PIEZO2: variants seen among roughly 807,000 people sequenced by gnomAD.
The protein encoded by PIEZO2 is piezo-type mechanosensitive ion channel component 2.
Under a neutral mutation model 337.3 loss-of-function variants are expected in PIEZO2, and 172 were observed. That is an observed-to-expected ratio of 0.51 (90% confidence interval 0.45 to 0.58). The LOEUF (loss-of-function observed/expected upper bound fraction) is 0.58. PIEZO2 is among the 20% of genes least tolerant of loss of function. The pLI is 0.00. For synonymous variants in PIEZO2, 1,251 were observed against 1,228.5 expected (o/e 1.02, Z -0.38); for missense variants, 3,028 against 3,391.3 (o/e 0.89, Z 2.66).
rs973288101 is a variant in PIEZO2 at position 10,784,699 on chromosome 18, C to T, written c.2492+85G>A. On this transcript the variant is annotated intron_variant, in intron 17 of 55. Transcript: ENST00000674853. The surrounding 1 kb of genome is among the most constrained non-coding windows in gnomAD (Gnocchi z 4.5). ...AAGGCTGAAACTTTTAGATTACTGG[C>T]TTCTCGCAAGGTGGCCAACCTAAGG... 33 of 1,273,164 alleles carry T rather than the reference C, an allele frequency of 2.6e-5. No homozygotes were observed. The highest frequency in any genetic ancestry group is 3.1e-5 in the Non-Finnish European group (30 of 966,234). The allele number at this position is 1,273,164 out of a possible 1,614,324, so 78.9% of individuals were successfully genotyped here. A position where few individuals can be genotyped will look rare whatever the true frequency, so the allele number is the denominator to read the frequency against.
At chr18:10,989,182 T>A (rs1304858566) in intron 2 of PIEZO2, among the ~76,000 whole-genome samples, 1 of 152,074 alleles carries the variant, frequency 6.6e-6, no homozygotes, top group Non-Finnish European at 1.5e-5. Context: ...GGCAATGATT[T>A]CATGGGTGTC....
At chr18:10,811,364 G>A (rs1236347929) in intron 7 of PIEZO2, among the ~76,000 whole-genome samples, 2 of 152,148 alleles carry the variant, frequency 1.3e-5, no homozygotes, top group African/African-American at 4.8e-5. Flanking sequence ...TTCCAAAAAG[G>A]GTGTATGTCT....
chr18:10,704,406 G>T lies in PIEZO2; in HGVS notation c.6246C>A (p.Ile2082=). Residue 2082 remains isoleucine, a synonymous_variant, in exon 42 of 56, where the codon ATC becomes ATA. Coordinates refer to ENST00000674853, the MANE Select transcript of PIEZO2 (RefSeq NM_001378183.1). The stretch of plus-strand genomic sequence containing the variant: ...CGTCCAGGCCTACCTCAGTATAGAC[G>T]ATGGCCATCATCCAGAACCGGCGGC... ...RPSRRFWMMA[I]VYTEVAIVVK... 2.0e-6 allele frequency: 3 copies of T among 1,537,172 alleles called. No individual in the cohort carries two copies. The highest frequency in any genetic ancestry group is 1.7e-4 in the Middle Eastern group (1 of 5,962).
chr18:10,674,288 A>G (rs1007572106), intron 54 of PIEZO2, among the ~76,000 whole-genome samples: 11 of 152,254 alleles, frequency 7.2e-5, no homozygotes, highest in African/African-American at 2.4e-4. Flanking sequence ...GAATTATTTC[A>G]TGGGAAATTA....
rs1456666370 is a variant in PIEZO2 at position 11,143,635 on chromosome 18, A to T, written c.64+4890T>A. ...CACACACACACACACACACACACAC[A>T]CACACTCTCTCTCTCTCTCTCTCTC... On this transcript the variant is annotated intron_variant, in intron 1 of 55. Coordinates refer to ENST00000674853, the MANE Select transcript of PIEZO2 (RefSeq NM_001378183.1). The surrounding 1 kb of genome is among the most constrained non-coding windows in gnomAD (Gnocchi z 4.9). 0.11 allele frequency among the ~76,000 whole-genome samples: 8,514 copies of T among 74,450 alleles called. 277 individuals carry two copies. The highest frequency in any genetic ancestry group is 0.17 in the African/African-American group (2,108 of 12,102). The allele number at this position is 74,450 out of a possible 152,430, so 48.8% of individuals were successfully genotyped here. A position where few individuals can be genotyped will look rare whatever the true frequency, so the allele number is the denominator to read the frequency against.
chr18:10,835,789 C>T (rs2040991555), intron 7 of PIEZO2, among the ~76,000 whole-genome samples: 1 of 152,234 alleles, frequency 6.6e-6, no homozygotes, highest in African/African-American at 2.4e-5. Flanking sequence ...GATGATCCGC[C>T]CACCTTGGCC....
intron 28 of PIEZO2, among the ~76,000 whole-genome samples, chr18:10,752,205 A>G (rs768250162): frequency 1.3e-5 from 2 of 152,176 alleles, no homozygotes; most frequent in Non-Finnish European, 2.9e-5. Flanking sequence ...TGCTCATTTT[A>G]TCTCACACTT....
chr18:10,849,097 T>C (rs534042996), intron 7 of PIEZO2, among the ~76,000 whole-genome samples: 6 of 152,274 alleles, frequency 3.9e-5, no homozygotes, highest in African/African-American at 1.4e-4. Context: ...ACCTCTGCAA[T>C]CTCTGCCTCC....
Position 10,962,150 on chromosome 18 carries a change from A to C in PIEZO2, c.286+17385T>G, listed in dbSNP as rs2033808450. 1.3e-5 allele frequency among the ~76,000 whole-genome samples: 2 copies of C among 152,198 alleles called. No individual in the cohort carries two copies. Among genetic ancestry groups the C allele is most frequent in the African/African-American group, 4.8e-5 (2 of 41,450 alleles). The stretch of plus-strand genomic sequence containing the variant: ...GTTGTGAGATTCTACTGATCCTCAA[A>C]ACTGCCACTGAATTAGAATTATTTC... On this transcript the variant is annotated intron_variant, in intron 3 of 55. Transcript: ENST00000674853. This position sits in a 1 kb window ranked among gnomAD's most constrained non-coding sequence, Gnocchi z 4.1.
In PIEZO2 at chr18:11,126,314, G is replaced by C. The variant is rs1390763873; in HGVS notation, c.64+22211C>G. On this transcript the variant is annotated intron_variant, in intron 1 of 55. Coordinates refer to ENST00000674853, the MANE Select transcript of PIEZO2 (RefSeq NM_001378183.1). This position sits in a 1 kb window ranked among gnomAD's most constrained non-coding sequence, Gnocchi z 4.6. ...TGAGGAATGATCTGTTATTTGCCCA[G>C]CATCACTCCCCTCTCTCCTTTCTGT... Among the ~76,000 whole-genome samples, 3 of 152,130 alleles carry C rather than the reference G, an allele frequency of 2.0e-5. No individual in the cohort carries two copies. The highest frequency in any genetic ancestry group is 4.4e-5 in the Non-Finnish European group (3 of 68,036).
intron 49 of PIEZO2, 31 bp downstream of exon 49, chr18:10,689,624 C>A: frequency 1.9e-6 from 3 of 1,613,930 alleles, no homozygotes; most frequent in Non-Finnish European, 2.5e-6. Flanking sequence ...GAGAAGCAGA[C>A]AGGAATAAGG....
rs572258549 is a variant in PIEZO2 at position 10,938,683 on chromosome 18, T to C, written c.287-27455A>G. On this transcript the variant is annotated intron_variant, in intron 3 of 55. Coordinates refer to ENST00000674853, the MANE Select transcript of PIEZO2 (RefSeq NM_001378183.1). ...ACCAGAAAAAAAGGAGAATATTCAA[T>C]AGATATTTATAAATTAATTTATGTT... Among the ~76,000 whole-genome samples the C allele has an allele frequency of 3.4e-4, 52 of 152,214 alleles. 1 individual carries two copies. The highest frequency in any genetic ancestry group is 6.3e-4 in the Non-Finnish European group (43 of 68,034).
rs1218094279 is a variant in PIEZO2, at chr18:10,724,521, C to G, written c.5030-6262G>C. 35 of 473,156 alleles carry G rather than the reference C, an allele frequency of 7.4e-5. No individual in the cohort carries two copies. The highest frequency in any genetic ancestry group is 1.1e-4 in the Non-Finnish European group (30 of 267,220). The allele number at this position is 473,156 out of a possible 1,614,324, so 29.3% of individuals were successfully genotyped here. A position where few individuals can be genotyped will look rare whatever the true frequency, so the allele number is the denominator to read the frequency against. On this transcript the variant is annotated intron_variant, in intron 36 of 55. Coordinates refer to ENST00000674853, the MANE Select transcript of PIEZO2 (RefSeq NM_001378183.1). This position sits in a 1 kb window ranked among gnomAD's most constrained non-coding sequence, Gnocchi z 5.8. ...AGGGCCTGCTGGTCCTCTGGTCACA[C>G]CCACTCATGCTGGTCTCCACATACC...
In PIEZO2 at chr18:10,724,852, C is replaced by G; in HGVS notation, c.5029+6555G>C. On this transcript the variant is annotated intron_variant, in intron 36 of 55. Coordinates refer to ENST00000674853, the MANE Select transcript of PIEZO2 (RefSeq NM_001378183.1). This position sits in a 1 kb window ranked among gnomAD's most constrained non-coding sequence, Gnocchi z 5.8. ...CCTGGGCCACGGCGGCCACATGCGT[C>G]GCAGTGAGAGCACCTACTCTGTAAA... 6.2e-7 allele frequency: 1 copy of G among 1,605,240 alleles called. No homozygotes were observed. The highest frequency in any genetic ancestry group is 8.5e-7 in the Non-Finnish European group (1 of 1,175,784).
intron 36 of PIEZO2, among the ~76,000 whole-genome samples, chr18:10,718,935 T>C (rs1227807726): frequency 6.6e-6 from 1 of 151,692 alleles, no homozygotes; most frequent in African/African-American, 2.4e-5. Context: ...GCCGTGATTG[T>C]GCCACTGCGC....
chr18:11,123,753 T>C (rs1353924369), intron 1 of PIEZO2, among the ~76,000 whole-genome samples: 1 of 151,048 alleles, frequency 6.6e-6, no homozygotes, highest in African/African-American at 2.4e-5. Context: ...GAGCTTGCAG[T>C]GAGCTGAGAT....
rs555885505 is a variant in PIEZO2 at position 10,807,227 on chromosome 18, C to G, written c.965G>C (p.Trp322Ser). The G allele has an allele frequency of 3.9e-6, 6 of 1,537,258 alleles. No individual in the cohort carries two copies. The African/African-American group carries it at 8.2e-5, about 21-fold the overall frequency. ...CAGGTCCGGGTTCACTATGATCTTCCAAGTACTTGAACAGTCCGTTTGAAT... is the reference window on the plus strand; with the variant it reads ...CAGGTCCGGGTTCACTATGATCTTCGAAGTACTTGAACAGTCCGTTTGAAT... The part of the protein sequence containing the change: ...SVIQTDCSST[W>S]KIIVNPDLSW... Residue 322 changes from tryptophan (W) to serine (S), a missense_variant, in exon 8 of 56, where the codon TGG becomes TCG. This residue lies in a region of PIEZO2 where 542 missense variants were observed against 605.6 expected (regional missense o/e 0.89). Coordinates refer to ENST00000674853, the MANE Select transcript of PIEZO2 (RefSeq NM_001378183.1).
intron 7 of PIEZO2, among the ~76,000 whole-genome samples, chr18:10,823,662 AG>A (rs1242773765): frequency 6.6e-6 from 1 of 152,192 alleles, no homozygotes; most frequent in Non-Finnish European, 1.5e-5. Flanking sequence ...GGAGAAACAA[AG>A]GGAGGGGAGG....
rs761742733 is a variant in PIEZO2 at position 10,795,155 on chromosome 18, C to T, written c.1528-153G>A. Among the ~76,000 whole-genome samples the T allele has an allele frequency of 1.4e-4, 22 of 152,060 alleles. No homozygotes were observed. The highest frequency in any genetic ancestry group is 2.8e-4 in the Non-Finnish European group (19 of 68,016). Reference sequence around the variant, plus strand: ...TGGTGGAGTGATGGAGACCCCAAGCCGTGGAGTGGTGGCTTGGAAGGCAGG... The same window carrying T: ...TGGTGGAGTGATGGAGACCCCAAGCTGTGGAGTGGTGGCTTGGAAGGCAGG... On this transcript the variant is annotated intron_variant, in intron 12 of 55. Transcript: ENST00000674853. This position sits in a 1 kb window ranked among gnomAD's most constrained non-coding sequence, Gnocchi z 4.4.
Sources: allele counts gnomAD v4.1 joint callset (sites outside exome capture counted in the v4.1 genomes callset), GRCh38; gene constraint gnomAD v4.1.1; regional missense constraint gnomAD v4.1.1; non-coding constraint Gnocchi (gnomAD v3.1); transcripts MANE v1.5; gene names NCBI Gene and HGNC (gene_info 2026-07-23, HGNC 2026-07-21).